FZD3: variants seen among roughly 807,000 people sequenced by gnomAD.
FZD3 encodes the protein frizzled-3.
A neutral mutation model predicts 60.7 loss-of-function variants in FZD3; 30 were observed. The observed-to-expected ratio is 0.49, with a 90% CI of 0.37 to 0.67. The LOEUF is 0.67. FZD3 is among the 30% of genes least tolerant of loss of function. The pLI is 0.00. For missense variants in FZD3, 605 were observed against 838.7 expected (o/e 0.72, Z 3.44); for synonymous variants, 246 against 275.2 (o/e 0.89, Z 1.05).
At position 28,545,949 on chromosome 8, in the gene FZD3, C is replaced by T. The variant is rs111452131; in HGVS notation, c.1405-5654C>T. 5.6e-3 allele frequency among the ~76,000 whole-genome samples: 847 copies of T among 152,230 alleles called. 11 individuals carry two copies. Among genetic ancestry groups the T allele is most frequent in the African/African-American group, 0.019 (805 of 41,520 alleles). On this transcript the variant is annotated intron_variant, in intron 5 of 7. Transcript: ENST00000240093. ...TATAATGCTGTATTTTTATTTTACC[C>T]TTTCTATGTTTAAATAGATACCCAA...
intron 4 of FZD3, among the ~76,000 whole-genome samples, chr8:28,524,643 G>T (rs544924914): frequency 5.9e-5 from 9 of 151,962 alleles, no homozygotes; most frequent in African/African-American, 1.9e-4. Flanking sequence ...TTGAATAATG[G>T]TGCTTCCCAG....
rs1285603447 is a variant in FZD3 at position 28,569,425 on chromosome 8, TC to T, written c.*6415del. 6.6e-6 allele frequency: 1 copy of T among 152,190 alleles called. No homozygotes were observed. The highest frequency in any genetic ancestry group is 1.5e-5 in the Non-Finnish European group (1 of 67,974). The allele number at this position is 152,190 out of a possible 1,614,324, so 9.4% of individuals were successfully genotyped here. A position where few individuals can be genotyped will look rare whatever the true frequency, so the allele number is the denominator to read the frequency against. On this transcript the variant is annotated 3_prime_UTR_variant, in exon 8 of 8. Coordinates refer to ENST00000240093, the MANE Select transcript of FZD3 (RefSeq NM_017412.4). ...TTTTATCTCGTGGTGCCTCCATTTTTCTCATTCTCTAGGGAACAAGAGAATT... is the reference window on the plus strand; with the variant it reads ...TTTTATCTCGTGGTGCCTCCATTTTTTCATTCTCTAGGGAACAAGAGAATT...
In FZD3 at chr8:28,571,039, AAAAAG is replaced by A. The variant is rs1301988637; in HGVS notation, c.*8034_*8038del. On this transcript the variant is annotated 3_prime_UTR_variant, in exon 8 of 8. Coordinates refer to ENST00000240093, the MANE Select transcript of FZD3 (RefSeq NM_017412.4). Reference sequence around the variant, plus strand: ...TTCGATTGCCTACCAAAAAAAAAAAAAAAAGAAAAGGTTTGTTTTTAGTTCTCTGC... The same window carrying A: ...TTCGATTGCCTACCAAAAAAAAAAAAAAAAGGTTTGTTTTTAGTTCTCTGC... 6.6e-6 allele frequency: 1 copy of A among 151,928 alleles called. No individual in the cohort carries two copies. Among genetic ancestry groups the A allele is most frequent in the African/African-American group, 2.4e-5 (1 of 41,382 alleles). The allele number at this position is 151,928 out of a possible 1,614,324, so 9.4% of individuals were successfully genotyped here.
At chr8:28,524,429 A>G (rs953601877) in intron 4 of FZD3, among the ~76,000 whole-genome samples, 3 of 152,176 alleles carry the variant, frequency 2.0e-5, no homozygotes, top group African/African-American at 4.8e-5. Flanking sequence ...GGTCAGAAAA[A>G]TTTCTGTTCA....
At chr8:28,546,941 G>A (rs1203758638) in intron 5 of FZD3, among the ~76,000 whole-genome samples, 4 of 151,184 alleles carry the variant, frequency 2.6e-5, no homozygotes, top group Non-Finnish European at 5.9e-5. Context: ...CTGCACTCCA[G>A]CCTGGGCGAC....
intron 7 of FZD3, among the ~76,000 whole-genome samples, chr8:28,560,074 A>T (rs771105794): frequency 6.6e-6 from 1 of 152,218 alleles, no homozygotes; most frequent in Non-Finnish European, 1.5e-5. Context: ...AGTGGGTGCC[A>T]TGACAAGAAA....
intron 4 of FZD3, among the ~76,000 whole-genome samples, chr8:28,525,119 C>T (rs1804683371): frequency 1.3e-5 from 2 of 152,128 alleles, no homozygotes; most frequent in Admixed American, 1.3e-4. Flanking sequence ...TTTCTGATTA[C>T]TTGGGTTAGG....
chr8:28,494,246 G>C lies in FZD3; in HGVS notation c.-488G>C, dbSNP rs1050838657. The C allele has an allele frequency of 2.0e-5, 3 of 151,766 alleles. No individual in the cohort carries two copies. Among genetic ancestry groups the C allele is most frequent in the Non-Finnish European group, 2.9e-5 (2 of 67,896 alleles). 9.4% of individuals were successfully genotyped at this position (151,766 alleles called of 1,614,324 possible). ...CGCTGTCGCTGGGAGGCGCGCGCCGGCGTTCCTCGGCCGCTCCGGGTACCT... is the reference window on the plus strand; with the variant it reads ...CGCTGTCGCTGGGAGGCGCGCGCCGCCGTTCCTCGGCCGCTCCGGGTACCT... On this transcript the variant is annotated 5_prime_UTR_variant, in exon 1 of 8. Coordinates refer to ENST00000240093, the MANE Select transcript of FZD3 (RefSeq NM_017412.4).
chr8:28,498,784 C>G (rs1803914313), intron 1 of FZD3, among the ~76,000 whole-genome samples: 1 of 152,154 alleles, frequency 6.6e-6, no homozygotes. Flanking sequence ...AGGCTGGTCT[C>G]AAACTCCTGG....
intron 5 of FZD3, among the ~76,000 whole-genome samples, chr8:28,531,995 C>T (rs1277918823): frequency 1.3e-5 from 2 of 152,164 alleles, no homozygotes; most frequent in Admixed American, 1.3e-4. Flanking sequence ...ATTCATATCT[C>T]TAATCCCATA....
chr8:28,523,417 C>A (rs1804635940), intron 4 of FZD3, among the ~76,000 whole-genome samples: 1 of 151,948 alleles, frequency 6.6e-6, no homozygotes, highest in African/African-American at 2.4e-5. Context: ...CTTTAATTGT[C>A]CCAAAGACCT....
Position 28,527,110 on chromosome 8 carries a change from TAAGTA to T in FZD3, c.387-34_387-30del. On this transcript the variant is annotated intron_variant, in intron 4 of 7. Transcript: ENST00000240093. This position sits in a 1 kb window ranked among gnomAD's most constrained non-coding sequence, Gnocchi z 5.0. The stretch of plus-strand genomic sequence containing the variant: ...TGTTAGATCGTGATAGATTTCCCCA[TAAGTA>T]AAAATAGTTCTCATCTTGTTTTGTT... 1 of 1,534,402 alleles carries T rather than the reference TAAGTA, an allele frequency of 6.5e-7. No individual in the cohort carries two copies. The highest frequency in any genetic ancestry group is 8.8e-7 in the Non-Finnish European group (1 of 1,133,036).
In FZD3 at chr8:28,570,637, A is replaced by G. The variant is rs1438895953; in HGVS notation, c.*7626A>G. On this transcript the variant is annotated 3_prime_UTR_variant, in exon 8 of 8. Transcript: ENST00000240093. ...GAGACTCTATCTCAAAAAAAAAAAA[A>G]GAAAAAAAAAAAAGTAGAGATTGCA... 2.0e-5 allele frequency: 3 copies of G among 150,846 alleles called. No individual in the cohort carries two copies. Among genetic ancestry groups the G allele is most frequent in the East Asian group, 2.0e-4 (1 of 5,040 alleles). 9.3% of individuals were successfully genotyped at this position (150,846 alleles called of 1,614,324 possible).
intron 1 of FZD3, among the ~76,000 whole-genome samples, chr8:28,494,692 C>T (rs1177966881): frequency 6.6e-6 from 1 of 152,024 alleles, no homozygotes; most frequent in Admixed American, 6.5e-5. Context: ...GCCCGCGGCT[C>T]GGCAACCTGT....
chr8:28,499,048 T>C lies in FZD3; in HGVS notation c.-390-885T>C, dbSNP rs574919623. Among the ~76,000 whole-genome samples the C allele has an allele frequency of 6.4e-4, 97 of 152,334 alleles. 1 individual carries two copies. The highest frequency in any genetic ancestry group is 2.0e-3 in the African/African-American group (83 of 41,576). On this transcript the variant is annotated intron_variant, in intron 1 of 7. Transcript: ENST00000240093. ...CCTTGGCTTGTTGCTTAATTAGTAG[T>C]CAATAAACCAGTCATTTCACTAGTA...
At position 28,503,135 on chromosome 8, in the gene FZD3, A is replaced by G; in HGVS notation, c.122A>G (p.Tyr41Cys). The change falls in exon 3 of 8, where the codon TAT (tyrosine) becomes TGT (cysteine). Residue 41 changes from tyrosine (Y) to cysteine (C), a missense_variant. Transcript: ENST00000240093. ...TTGAGGATGTGCCAAGATTTGCCTT[A>G]TAATACTACCTTCATGCCTAATCTT... ...ITLRMCQDLPYNTTFMPNLLN... is the reference protein window; with the variant it reads ...ITLRMCQDLPCNTTFMPNLLN... 1.9e-6 allele frequency: 3 copies of G among 1,613,572 alleles called. No homozygotes were observed. Among genetic ancestry groups the G allele is most frequent in the Non-Finnish European group, 8.5e-7 (1 of 1,179,492 alleles).
intron 6 of FZD3, 129 bp from the exon 7 acceptor site, chr8:28,555,609 T>C (rs1246124646): frequency 3.1e-6 from 2 of 642,484 alleles, no homozygotes; most frequent in East Asian, 5.3e-5. Flanking sequence ...TGTTTCTTCA[T>C]GTCAGTCCTA....
At position 28,555,843 on chromosome 8, in the gene FZD3, T is replaced by C; in HGVS notation, c.1659T>C (p.Thr553=). ...PIIRKSRGTS[T]QGTSTHASST... is the part of the protein sequence containing the mutation. The stretch of plus-strand genomic sequence containing the variant: ...TAAGAAAGTCAAGGGGAACTTCCAC[T>C]CAAGGAACATCCACCCATGCTTCTT... The change falls in exon 7 of 8, where the codon ACT becomes ACC. Residue 553 remains threonine, a synonymous_variant. Coordinates refer to ENST00000240093, the MANE Select transcript of FZD3 (RefSeq NM_017412.4). 6.2e-7 allele frequency: 1 copy of C among 1,613,068 alleles called. No homozygotes were observed. The highest frequency in any genetic ancestry group is 8.5e-7 in the Non-Finnish European group (1 of 1,179,036).
intron 5 of FZD3, chr8:28,530,585 T>TA (rs112169376): frequency 3.3e-5 from 5 of 152,274 alleles, no homozygotes; most frequent in African/African-American, 9.6e-5. Context: ...TACATATAGA[T>TA]ACGTTTTTTA....
Sources: gnomAD v4.1 joint callset for allele counts (sites outside exome capture counted in the v4.1 genomes callset) on GRCh38, gnomAD v4.1.1 for gene constraint, Gnocchi (gnomAD v3.1) non-coding constraint, MANE v1.5 for transcripts, NCBI Gene and HGNC (gene_info 2026-07-23, HGNC 2026-07-21) for gene names.